The following AP4E1 variants were observed in gnomAD, a reference collection of about 807,000 sequenced individuals.
AP4E1 encodes AP-4 complex subunit epsilon-1.
In AP4E1, 56 loss-of-function variants were observed where a neutral mutation model predicts 128.2. That is an observed-to-expected ratio of 0.44 (90% CI 0.35 to 0.55). The LOEUF is 0.55. AP4E1 is among the 20% of genes least tolerant of loss of function. The pLI is 0.00. For synonymous variants in AP4E1, 484 were observed against 473.1 expected (o/e 1.02, Z -0.30); for missense variants, 1,324 against 1,307.7 (o/e 1.01, Z -0.19).
chr15:50,948,194 G>A (rs768179422), intron 11 of AP4E1, 35 bp downstream of exon 11: 32 of 1,608,558 alleles, frequency 2.0e-5, no homozygotes, highest in Non-Finnish European at 2.6e-5. Flanking sequence ...TCTTAAAATA[G>A]TTAGTTATGC....
chr15:50,959,751 A>T (rs1279665009), intron 14 of AP4E1, among the ~76,000 whole-genome samples: 1 of 152,218 alleles, frequency 6.6e-6, no homozygotes, highest in Non-Finnish European at 1.5e-5. Context: ...AAAACAATCA[A>T]CAAAATGACA....
rs992999521 is a variant in AP4E1 at position 50,955,311 on chromosome 15, G to A, written c.1549-3181G>A. Among the ~76,000 whole-genome samples the A allele has an allele frequency of 1.3e-5, 2 of 152,208 alleles. 1 individual carries two copies. Among genetic ancestry groups the A allele is most frequent in the South Asian group, 4.1e-4 (2 of 4,824 alleles). The stretch of plus-strand genomic sequence containing the variant: ...ACAGTCCCACCGACAGTGTGAAAGT[G>A]TTCCTGTTTCTCCACATTCTTTCCA... On this transcript the variant is annotated intron_variant, in intron 13 of 20. Coordinates refer to ENST00000261842, the MANE Select transcript of AP4E1 (RefSeq NM_007347.5).
At chr15:50,941,329 A>G (rs1397062255) in intron 8 of AP4E1, 113 bp from the exon 9 acceptor site, 10 of 1,216,868 alleles carry the variant, frequency 8.2e-6, no homozygotes, top group Non-Finnish European at 1.2e-5. Context: ...TCCATAAATA[A>G]GATTTCTGAC....
chr15:50,915,808 G>A (rs573641281), intron 3 of AP4E1: 63 of 499,924 alleles, frequency 1.3e-4, no homozygotes, highest in South Asian at 9.7e-4. Flanking sequence ...TTGTGATGGC[G>A]GTTAGATGAC....
At chr15:50,962,743 T>C (rs2064332566) in intron 14 of AP4E1, among the ~76,000 whole-genome samples, 1 of 151,342 alleles carries the variant, frequency 6.6e-6, no homozygotes, top group African/African-American at 2.4e-5. Flanking sequence ...AAGACAAAAA[T>C]GACAAATGGG....
intron 8 of AP4E1, among the ~76,000 whole-genome samples, chr15:50,938,154 GAAAC>G (rs1427883063): frequency 6.6e-6 from 1 of 152,058 alleles, no homozygotes; most frequent in Non-Finnish European, 1.5e-5. Context: ...CACAAGGAAA[GAAAC>G]AGACACGGTG....
chr15:50,999,346 T>G, intron 19 of AP4E1, 84 bp downstream of exon 19: 1 of 1,217,074 alleles, frequency 8.2e-7, no homozygotes, highest in South Asian at 1.3e-5. Context: ...GGCACTATGT[T>G]GGGTGCTAGG....
In AP4E1 at chr15:50,957,821, C is replaced by T. The variant is rs373884016; in HGVS notation, c.1549-671C>T. On this transcript the variant is annotated intron_variant, in intron 13 of 20. Coordinates refer to ENST00000261842, the MANE Select transcript of AP4E1 (RefSeq NM_007347.5). ...CCTCCTGAGTAGCTGAGACTCTAGG[C>T]GTGTGCCACCACACCTAGCTAATTT... Among the ~76,000 whole-genome samples the T allele has an allele frequency of 2.6e-4, 39 of 151,888 alleles. No individual in the cohort carries two copies. The East Asian group carries it at 3.5e-3, about 14-fold the overall frequency.
intron 20 of AP4E1, 53 bp from the exon 21 acceptor site, chr15:51,002,449 G>A (rs2064975871): frequency 1.3e-6 from 2 of 1,585,780 alleles, no homozygotes; most frequent in Non-Finnish European, 8.7e-7. Flanking sequence ...TTGGAGAAAT[G>A]TCTGTTTAAC....
intron 15 of AP4E1, among the ~76,000 whole-genome samples, chr15:50,973,592 C>G (rs1409426385): frequency 6.6e-6 from 1 of 152,176 alleles, no homozygotes; most frequent in African/African-American, 2.4e-5. Context: ...TCCCCTTAGC[C>G]TCTGGCAGCA....
chr15:50,931,142 A>G (rs886765257), intron 7 of AP4E1, among the ~76,000 whole-genome samples, 171 bp downstream of exon 7: 4 of 152,194 alleles, frequency 2.6e-5, no homozygotes, highest in Admixed American at 6.5e-5. Flanking sequence ...GGTTGCTGGG[A>G]TAATCCTGGC....
chr15:50,955,491 T>G (rs1462457479), intron 13 of AP4E1, among the ~76,000 whole-genome samples: 1 of 152,226 alleles, frequency 6.6e-6, no homozygotes, highest in East Asian at 1.9e-4. Context: ...TGTGATGGTG[T>G]TGTTCAGTTC....
At chr15:50,959,028 G>A (rs1003205048) in intron 14 of AP4E1, among the ~76,000 whole-genome samples, 4 of 152,106 alleles carry the variant, frequency 2.6e-5, no homozygotes, top group African/African-American at 4.8e-5. Context: ...CCTGACCAAC[G>A]TGGAGAAACC....
chr15:50,985,048 C>G (rs1295680737), intron 16 of AP4E1, among the ~76,000 whole-genome samples: 2 of 152,218 alleles, frequency 1.3e-5, no homozygotes, highest in East Asian at 3.8e-4. Context: ...TTGCATTCCT[C>G]TGATAGCCAG....
intron 1 of AP4E1, among the ~76,000 whole-genome samples, chr15:50,909,130 A>G (rs979592604): frequency 1.4e-4 from 22 of 152,232 alleles, no homozygotes; most frequent in Non-Finnish European, 2.9e-5. Flanking sequence ...CCGAGTTTCC[A>G]CAGTTAGTTC....
In AP4E1 at chr15:50,948,174, C is replaced by T. The variant is rs367575074; in HGVS notation, c.1316+15C>T. The T allele has an allele frequency of 2.7e-4, 436 of 1,613,172 alleles. 1 individual carries two copies. The highest frequency in any genetic ancestry group is 3.1e-4 in the Non-Finnish European group (362 of 1,179,732). On this transcript the variant is annotated intron_variant, in intron 11 of 20. Coordinates refer to ENST00000261842, the MANE Select transcript of AP4E1 (RefSeq NM_007347.5). ...CTGGCTGAGAAATATCCTTTTATTT[C>T]GACCATGAGTCTTAAAATAGTTAGT...
At chr15:50,908,642 A>T, upstream of AP4E1, 5 of 1,140,902 alleles carry the variant, frequency 4.4e-6, no homozygotes, top group East Asian at 3.2e-5. Flanking sequence ...GAACTTGTTC[A>T]GGTGGGACGC....
intron 18 of AP4E1, 49 bp from the exon 19 acceptor site, chr15:50,999,023 C>T: frequency 6.5e-7 from 1 of 1,538,760 alleles, no homozygotes; most frequent in Non-Finnish European, 9.0e-7. Context: ...ATGTAATAGT[C>T]TGTATTGATC....
intron 3 of AP4E1, among the ~76,000 whole-genome samples, chr15:50,917,178 A>C (rs1376443903): frequency 6.6e-6 from 1 of 152,246 alleles, no homozygotes; most frequent in Non-Finnish European, 1.5e-5. Context: ...AACATCAAAA[A>C]GGAAATTTCA....
Sources: gnomAD v4.1 joint callset for allele counts (sites outside exome capture counted in the v4.1 genomes callset) on GRCh38, gnomAD v4.1.1 for gene constraint, MANE v1.5 for transcripts, NCBI Gene and HGNC (gene_info 2026-07-23, HGNC 2026-07-21) for gene names.